Variants in DMD observed in about 807,000 individuals in gnomAD.
DMD encodes dystrophin.
In DMD, 63 loss-of-function variants were observed where a neutral mutation model predicts 330.1. The observed-to-expected ratio is 0.19, with a 90% CI of 0.16 to 0.24. The LOEUF (loss-of-function observed/expected upper bound fraction) is 0.24, where lower values mean the gene tolerates loss of function less well. Ranked by LOEUF, DMD falls within the 10% of genes least tolerant of loss-of-function variation. DMD has a pLI of 1.00. For missense variants in DMD, 3,344 were observed against 2,684.1 expected (o/e 1.25, Z -5.43); for synonymous variants, 1,223 against 959.8 (o/e 1.27, Z -5.07).
chrX:32,534,222 C>A (rs1255394297), intron 17 of DMD, among the ~76,000 whole-genome samples: 1 of 112,041 alleles, frequency 8.9e-6, no homozygotes, highest in Non-Finnish European at 1.9e-5. Context: ...TGACAGCCTT[C>A]TTCCTGGCTT....
chrX:32,546,846 C>A (rs893588071), intron 16 of DMD, among the ~76,000 whole-genome samples: 5 of 111,242 alleles, frequency 4.5e-5, no homozygotes, highest in Non-Finnish European at 9.4e-5. Context: ...CAACATAGCT[C>A]TAAAAAAAGC....
chrX:33,247,557 G>T lies in DMD; in HGVS notation c.7+91702C>A, dbSNP rs927614384. 9.3e-4 allele frequency among the ~76,000 whole-genome samples: 104 copies of T among 111,284 alleles called. 1 individual carries two copies. The highest frequency in any genetic ancestry group is 5.0e-3 in the Middle Eastern group (1 of 202). ...AACCAATTGTAAATATCATTCAATGGATAAATTATTATTATCATTGTTGTT... is the reference window on the plus strand; with the variant it reads ...AACCAATTGTAAATATCATTCAATGTATAAATTATTATTATCATTGTTGTT... On this transcript the variant is annotated intron_variant, in intron 1 of 17. Coordinates refer to the DMD transcript ENST00000288447.
intron 48 of DMD, among the ~76,000 whole-genome samples, chrX:31,867,058 A>C (rs911258751): frequency 1.9e-5 from 2 of 105,452 alleles, no homozygotes; most frequent in African/African-American, 7.0e-5. Context: ...TTTTGAAATA[A>C]AATTGAATAT....
chrX:32,377,650 A>G (rs1449894712), intron 34 of DMD, among the ~76,000 whole-genome samples: 1 of 111,650 alleles, frequency 9.0e-6, no homozygotes, highest in Admixed American at 9.6e-5. Context: ...AGATACAGAA[A>G]ATTTTTTTCT....
At chrX:32,458,065 T>G (rs2098367975) in intron 25 of DMD, among the ~76,000 whole-genome samples, 1 of 110,836 alleles carries the variant, frequency 9.0e-6, no homozygotes, top group African/African-American at 3.3e-5. Context: ...TATTATATAC[T>G]TATGAATTAT....
At chrX:32,399,599 T>C (rs1463254046) in intron 30 of DMD, among the ~76,000 whole-genome samples, 4 of 111,041 alleles carry the variant, frequency 3.6e-5, no homozygotes, top group Admixed American at 9.6e-5. Context: ...GGCGAGGATA[T>C]GGAGAAAAGG....
At chrX:32,841,845 A>G (rs766204537) in intron 4 of DMD, among the ~76,000 whole-genome samples, 1 of 112,195 alleles carries the variant, frequency 8.9e-6, no homozygotes, top group African/African-American at 3.2e-5. Context: ...ACTATATCCA[A>G]GTGGAGAACT....
At chrX:31,553,232 G>A (rs186010495) in intron 55 of DMD, among the ~76,000 whole-genome samples, 3 of 111,954 alleles carry the variant, frequency 2.7e-5, no homozygotes, top group South Asian at 3.7e-4. Context: ...CTGCTCTAGC[G>A]GAATAGCAGG....
chrX:32,051,971 G>A (rs1420992797), intron 44 of DMD, among the ~76,000 whole-genome samples: 2 of 111,963 alleles, frequency 1.8e-5, no homozygotes, highest in African/African-American at 6.5e-5. Flanking sequence ...TGGAGATCAT[G>A]AAATAACCTA....
At chrX:31,825,012 C>G (rs1322086056) in intron 49 of DMD, among the ~76,000 whole-genome samples, 2 of 111,642 alleles carry the variant, frequency 1.8e-5, no homozygotes, top group Non-Finnish European at 3.8e-5. Flanking sequence ...AAAAATAATG[C>G]CTCTGATTAG....
At chrX:33,198,919 A>G (rs1302803958) in intron 1 of DMD, among the ~76,000 whole-genome samples, 1 of 109,569 alleles carries the variant, frequency 9.1e-6, no homozygotes, top group East Asian at 2.8e-4. Flanking sequence ...GAGGTTCTAG[A>G]CAAATAGAAA....
At chrX:32,799,487 G>C (rs1376423133) in intron 7 of DMD, among the ~76,000 whole-genome samples, 1 of 111,087 alleles carries the variant, frequency 9.0e-6, no homozygotes, top group Non-Finnish European at 1.9e-5. Context: ...TCTAGAACAG[G>C]CGCAATCTTT....
At chrX:31,456,263 T>C (rs1358756710) in intron 59 of DMD, among the ~76,000 whole-genome samples, 2 of 112,411 alleles carry the variant, frequency 1.8e-5, no homozygotes, top group Non-Finnish European at 3.8e-5. Context: ...GATGAGAAGT[T>C]TAGGCATATT....
At chrX:31,321,824 A>G (rs1296618811) in intron 62 of DMD, among the ~76,000 whole-genome samples, 1 of 110,973 alleles carries the variant, frequency 9.0e-6, no homozygotes, top group Non-Finnish European at 1.9e-5. Context: ...CCACTGAGAA[A>G]CAGCAAGAGA....
chrX:32,827,757 T>C, intron 4 of DMD, among the ~76,000 whole-genome samples: 1 of 105,625 alleles, frequency 9.5e-6, no homozygotes, highest in Non-Finnish European at 1.9e-5. Context: ...GCCTCCCGAG[T>C]TTCAAGCGAT....
At chrX:32,648,675 T>TTCTA (rs1335130530) in intron 9 of DMD, among the ~76,000 whole-genome samples, 1 of 112,215 alleles carries the variant, frequency 8.9e-6, no homozygotes, top group Non-Finnish European at 1.9e-5. Flanking sequence ...TTTGCCTGAA[T>TTCTA]TCTACATTTG....
intron 7 of DMD, among the ~76,000 whole-genome samples, chrX:32,807,121 T>TAA (rs1351302403): frequency 2.4e-5 from 1 of 42,348 alleles, no homozygotes. Context: ...ACGGAAACAT[T>TAA]TAAAAAAAAA....
At chrX:33,269,597 C>T (rs751993965) in intron 1 of DMD, among the ~76,000 whole-genome samples, 24 of 111,532 alleles carry the variant, frequency 2.2e-4, no homozygotes, top group Non-Finnish European at 4.5e-4. Flanking sequence ...TTAAAGAAAA[C>T]ATGCCAGGCA....
At chrX:32,469,585 T>TA (rs1270400200) in intron 22 of DMD, among the ~76,000 whole-genome samples, 2 of 111,522 alleles carry the variant, frequency 1.8e-5, no homozygotes, top group African/African-American at 3.2e-5. Context: ...TTTGTTTTTT[T>TA]ACTTTACTTT....
Sources: allele counts gnomAD v4.1 joint callset (sites outside exome capture counted in the v4.1 genomes callset), GRCh38; gene constraint gnomAD v4.1.1; transcripts MANE v1.5; gene names NCBI Gene and HGNC (gene_info 2026-07-23, HGNC 2026-07-21).